EMSY: variants seen among roughly 807,000 people sequenced by gnomAD.
The protein encoded by EMSY is BRCA2-interacting transcriptional repressor EMSY.
EMSY carries 26 observed loss-of-function variants against 134.6 expected under a neutral mutation model. The ratio of observed to expected loss-of-function variants is 0.19; its 90% CI spans 0.14 to 0.27. The LOEUF is 0.27. Ranked by LOEUF, EMSY falls within the 10% of genes least tolerant of loss-of-function variation. The probability of loss-of-function intolerance (pLI) is 1.00; values close to 1 mark genes in which losing one functional copy is unlikely to be tolerated. For synonymous variants in EMSY, 579 were observed against 577.8 expected, an observed-to-expected ratio of 1.00 and a Z score of -0.03; for missense variants, 1,305 against 1,611.4, an observed-to-expected ratio of 0.81 and a Z score of 3.26.
chr11:76,473,377 G>C (rs1948649674), intron 8 of EMSY, among the ~76,000 whole-genome samples: 1 of 151,622 alleles, frequency 6.6e-6, no homozygotes, highest in African/African-American at 2.4e-5. Flanking sequence ...AGCAATCTTG[G>C]CTCACTGCAA....
intron 15 of EMSY, among the ~76,000 whole-genome samples, chr11:76,537,455 GA>G (rs775106985): frequency 7.9e-5 from 12 of 152,126 alleles, no homozygotes; most frequent in Non-Finnish European, 1.5e-4. Flanking sequence ...TTAGGTTGAT[GA>G]ACTCAAGACC....
chr11:76,543,927 T>A (rs1475433958), intron 18 of EMSY, among the ~76,000 whole-genome samples: 1 of 152,188 alleles, frequency 6.6e-6, no homozygotes, highest in African/African-American at 2.4e-5. Context: ...ACATCATGAA[T>A]AGGCCAGACG....
chr11:76,482,328 C>T (rs991164605), intron 8 of EMSY, among the ~76,000 whole-genome samples: 5 of 152,070 alleles, frequency 3.3e-5, no homozygotes, highest in Admixed American at 6.6e-5. Context: ...TTCCAAAAAC[C>T]AGAATGCCTC....
intron 20 of EMSY, among the ~76,000 whole-genome samples, chr11:76,548,268 G>C (rs1283693699): frequency 6.6e-6 from 1 of 152,152 alleles, no homozygotes; most frequent in Non-Finnish European, 1.5e-5. Context: ...AGTCTGTAAA[G>C]TGCTTTGATT....
intron 16 of EMSY, 95 bp downstream of exon 17, chr11:76,538,045 T>G (rs1187030392): frequency 8.8e-7 from 1 of 1,141,052 alleles, no homozygotes; most frequent in African/African-American, 1.6e-5. Context: ...TTCTTTATAT[T>G]TTTAGCTTTT....
rs116384380 is a variant in EMSY, at chr11:76,533,139, G to A, written c.2195-2756G>A. ...TCAGAGGGAAGGTATATATTACATC[G>A]TAAAAGGGATATAGATATCTTAGGT... is the stretch of plus-strand genomic sequence containing the variant. On this transcript the variant is annotated intron_variant, in intron 14 of 20. Coordinates refer to ENST00000334736, the Ensembl canonical transcript of EMSY. Among the ~76,000 whole-genome samples the A allele has an allele frequency of 9.2e-3, 1,396 of 152,180 alleles. 22 individuals are homozygous for A. The highest frequency in any genetic ancestry group is 0.032 in the African/African-American group (1,331 of 41,530).
chr11:76,545,362 A>T (rs1951604862), intron 19 of EMSY, among the ~76,000 whole-genome samples: 1 of 152,148 alleles, frequency 6.6e-6, no homozygotes, highest in African/African-American at 2.4e-5. Context: ...AGTGATGTAT[A>T]TGTATGTATA....
chr11:76,513,591 C>G, intron 10 of EMSY, 56 bp downstream of exon 11: 4 of 1,575,118 alleles, frequency 2.5e-6, no homozygotes, highest in Non-Finnish European at 3.5e-6. Context: ...CAAACAGTTT[C>G]TCTGTACCAG....
chr11:76,472,977 G>A, intron 8 of EMSY, 137 bp downstream of exon 9: 1 of 814,748 alleles, frequency 1.2e-6, no homozygotes, highest in Non-Finnish European at 1.9e-6. Context: ...GTGTACCCCA[G>A]TTTGAGAATG....
intron 8 of EMSY, among the ~76,000 whole-genome samples, chr11:76,475,554 G>A (rs1267439222): frequency 2.0e-5 from 3 of 152,188 alleles, no homozygotes; most frequent in Admixed American, 2.0e-4. Context: ...AAAGTCACTG[G>A]AAGTTAATAG....
At position 76,542,481 on chromosome 11, in the gene EMSY, A is replaced by G. The variant is rs1591021603; in HGVS notation, c.2709+114A>G. On this transcript the variant is annotated intron_variant, in intron 18 of 20. Coordinates refer to ENST00000334736, the Ensembl canonical transcript of EMSY. ...TAATTGGAACGTAGAGTGTTTGTGT[A>G]ATTCTTTTCTAAGAAATGAGTAGAG... is the stretch of plus-strand genomic sequence containing the variant. 7.5e-6 allele frequency: 10 copies of G among 1,333,672 alleles called. No homozygotes were observed. In the East Asian group the frequency reaches 2.3e-4, roughly 31 times the overall value. 82.6% of individuals were successfully genotyped at this position (1,333,672 alleles called of 1,614,324 possible). A position where few individuals can be genotyped will look rare whatever the true frequency, so the allele number is the denominator to read the frequency against.
At chr11:76,490,853 GGGGTGTGTGTGT>G (rs1367083763) in intron 8 of EMSY, among the ~76,000 whole-genome samples, 2 of 149,276 alleles carry the variant, frequency 1.3e-5, no homozygotes, top group African/African-American at 2.5e-5. Context: ...TCATTGCTAG[GGGGTGTGTGTGT>G]GTGTGTGTGT....
chr11:76,463,246 C>G (rs1948200338), intron 6 of EMSY, among the ~76,000 whole-genome samples: 1 of 151,812 alleles, frequency 6.6e-6, no homozygotes, highest in Non-Finnish European at 1.5e-5. Flanking sequence ...TCGCTTGAAC[C>G]TGGGAGGCAG....
At chr11:76,544,395 C>A (rs1260095300) in exon 19 of EMSY, 2 of 1,614,148 alleles carry the variant, frequency 1.2e-6, no homozygotes, top group Non-Finnish European at 1.7e-6. Context: ...TCACAGTCAG[C>A]TAAACAGCAG....
intron 8 of EMSY, among the ~76,000 whole-genome samples, chr11:76,488,327 G>T (rs1185427159): frequency 6.6e-6 from 1 of 152,120 alleles, no homozygotes; most frequent in Non-Finnish European, 1.5e-5. Flanking sequence ...TTAGCCAGGC[G>T]TGGTGGTGTA....
chr11:76,543,550 G>C (rs550568186), intron 18 of EMSY, among the ~76,000 whole-genome samples: 1 of 152,130 alleles, frequency 6.6e-6, no homozygotes, highest in Non-Finnish European at 1.5e-5. Flanking sequence ...GGCCCTAACC[G>C]TGTCACTCAA....
At chr11:76,506,393 A>G (rs992643786) in intron 9 of EMSY, among the ~76,000 whole-genome samples, 3 of 152,220 alleles carry the variant, frequency 2.0e-5, no homozygotes, top group Non-Finnish European at 4.4e-5. Context: ...GATAAATTCA[A>G]CTACATATAA....
intron 8 of EMSY, among the ~76,000 whole-genome samples, chr11:76,480,964 T>G (rs1454639078): frequency 2.0e-5 from 3 of 152,204 alleles, no homozygotes; most frequent in Non-Finnish European, 4.4e-5. Context: ...ACCAGGGCCC[T>G]AGGTTTGAAG....
chr11:76,479,692 G>T (rs1948895971), intron 8 of EMSY, among the ~76,000 whole-genome samples: 1 of 152,226 alleles, frequency 6.6e-6, no homozygotes, highest in Non-Finnish European at 1.5e-5. Context: ...TAAGTGTGCA[G>T]TGTGTTGCAG....
Sources: gnomAD v4.1 joint callset for allele counts (sites outside exome capture counted in the v4.1 genomes callset) on GRCh38, gnomAD v4.1.1 for gene constraint, MANE v1.5 for transcripts, NCBI Gene and HGNC (gene_info 2026-07-23, HGNC 2026-07-21) for gene names.